The following GRM7 variants were observed in gnomAD, a reference collection of about 807,000 sequenced individuals.
GRM7 encodes the protein metabotropic glutamate receptor 7.
A neutral mutation model predicts 84.5 loss-of-function variants in GRM7; 35 were observed. The ratio of observed to expected loss-of-function variants is 0.41; its 90% CI spans 0.32 to 0.55. The LOEUF (loss-of-function observed/expected upper bound fraction) is 0.55, where lower values mean the gene tolerates loss of function less well. Ranked by LOEUF, GRM7 falls within the 20% of genes least tolerant of loss-of-function variation. The pLI is 0.19. For missense variants in GRM7, 1,003 were observed against 1,194.6 expected (o/e 0.84, Z 2.36); for synonymous variants, 487 against 455.1 (o/e 1.07, Z -0.89).
Position 7,174,756 on chromosome 3 carries a change from C to T in GRM7, c.736+28088C>T, listed in dbSNP as rs138840878. On this transcript the variant is annotated intron_variant, in intron 2 of 9. Coordinates refer to ENST00000357716, the MANE Select transcript of GRM7 (RefSeq NM_000844.4). The stretch of plus-strand genomic sequence containing the variant: ...TCATCTTCTATGGGTGAAAACTAGT[C>T]ATGTGGCTTTGCCTAGAGGCAAAGG... Among the ~76,000 whole-genome samples the T allele has an allele frequency of 3.9e-3, 596 of 152,282 alleles. 1 individual carries two copies. Among genetic ancestry groups the T allele is most frequent in the African/African-American group, 0.013 (532 of 41,548 alleles).
chr3:7,087,034 G>A (rs1280112871), intron 1 of GRM7, among the ~76,000 whole-genome samples: 2 of 152,130 alleles, frequency 1.3e-5, no homozygotes, highest in Admixed American at 6.5e-5. Context: ...CCAAATAAAA[G>A]AAGACATTAC....
chr3:7,261,697 G>A (rs1698427923), intron 2 of GRM7, among the ~76,000 whole-genome samples: 1 of 152,164 alleles, frequency 6.6e-6, no homozygotes, highest in Non-Finnish European at 1.5e-5. Context: ...ACTGGTCTGT[G>A]TACTTACGTG....
intron 7 of GRM7, among the ~76,000 whole-genome samples, chr3:7,510,114 C>T (rs1232114511): frequency 2.0e-5 from 3 of 152,116 alleles, no homozygotes; most frequent in Admixed American, 1.3e-4. Flanking sequence ...GAGCTTTAAA[C>T]CCCCACTTTG....
At chr3:7,254,593 T>A (rs1022238493) in intron 2 of GRM7, among the ~76,000 whole-genome samples, 1 of 152,182 alleles carries the variant, frequency 6.6e-6, no homozygotes, top group African/African-American at 2.4e-5. Context: ...GAGAAAGGAA[T>A]GAGTGTCACT....
chr3:6,894,096 G>A (rs1050070627), intron 1 of GRM7: 6 of 152,078 alleles, frequency 3.9e-5, no homozygotes, highest in Non-Finnish European at 1.5e-5. Context: ...TACATTCCAT[G>A]GTGAAAATAT....
chr3:7,294,627 T>C (rs1415127381), intron 2 of GRM7, among the ~76,000 whole-genome samples: 1 of 150,960 alleles, frequency 6.6e-6, no homozygotes, highest in Admixed American at 6.6e-5. Context: ...TCTACCTGAG[T>C]AGGCTACAAC....
intron 2 of GRM7, among the ~76,000 whole-genome samples, chr3:7,243,262 A>T (rs1171473369): frequency 6.6e-6 from 1 of 152,096 alleles, no homozygotes; most frequent in South Asian, 2.1e-4. Context: ...CAGTAGCCCA[A>T]TCTCTATTGG....
At chr3:7,455,000 G>T (rs1697944733) in intron 6 of GRM7, among the ~76,000 whole-genome samples, 1 of 152,072 alleles carries the variant, frequency 6.6e-6, no homozygotes, top group Non-Finnish European at 1.5e-5. Context: ...GGCAGGGAAA[G>T]TCCAATATAA....
At chr3:7,049,798 T>A (rs987209014) in intron 1 of GRM7, among the ~76,000 whole-genome samples, 2 of 151,684 alleles carry the variant, frequency 1.3e-5, no homozygotes, top group Non-Finnish European at 2.9e-5. Flanking sequence ...TAGTTAGGGA[T>A]GGATGGGGGA....
In GRM7 at chr3:7,578,879, G is replaced by A. The variant is rs769709112; in HGVS notation, c.1973G>A (p.Arg658Gln). Residue 658 changes from arginine (R) to glutamine (Q), a missense_variant, in exon 8 of 10, where the codon CGG (arginine) becomes CAG (glutamine). Transcript: ENST00000357716. ...AKPDVAVCSF[R>Q]RVFLGLGMCI... ...CCAGATGTGGCAGTGTGTTCTTTCC[G>A]GCGAGTTTTCTTGGGCTTGGGTATG... The A allele has an allele frequency of 2.0e-5, 32 of 1,613,900 alleles. No individual in the cohort carries two copies. Among genetic ancestry groups the A allele is most frequent in the East Asian group, 1.6e-4 (7 of 44,896 alleles).
intron 9 of GRM7, among the ~76,000 whole-genome samples, chr3:7,735,579 T>C (rs781633664): frequency 2.0e-5 from 3 of 152,192 alleles, no homozygotes; most frequent in Non-Finnish European, 4.4e-5. Context: ...TCAATAAATA[T>C]TTGTTAGATG....
chr3:7,629,446 C>T (rs1018818537), intron 8 of GRM7, among the ~76,000 whole-genome samples: 8 of 152,186 alleles, frequency 5.3e-5, no homozygotes, highest in Admixed American at 2.6e-4. Context: ...TATGTCCTCA[C>T]ATGACCTTTC....
chr3:6,878,706 C>T (rs1393188040), intron 1 of GRM7, among the ~76,000 whole-genome samples: 2 of 152,158 alleles, frequency 1.3e-5, no homozygotes, highest in African/African-American at 4.8e-5. Flanking sequence ...CAGGCAAGTT[C>T]CAGGGCCCCT....
chr3:7,158,370 A>G (rs1435628308), intron 2 of GRM7, among the ~76,000 whole-genome samples: 1 of 151,982 alleles, frequency 6.6e-6, no homozygotes, highest in Non-Finnish European at 1.5e-5. Context: ...CTGCCCAACA[A>G]ACTTTGCATC....
At position 7,680,078 on chromosome 3, in the gene GRM7, C is replaced by T. The variant is rs762182234; in HGVS notation, c.2481C>T (p.Ile827=). 2 of 1,613,856 alleles carry T rather than the reference C, an allele frequency of 1.2e-6. No homozygotes were observed. The highest frequency in any genetic ancestry group is 2.2e-5 in the East Asian group (1 of 44,874). ...KLYIQTTTLT[I]SMNLSASVAL... The stretch of plus-strand genomic sequence containing the variant: ...ACATACAAACTACCACGCTTACAAT[C>T]TCCATGAACCTAAGTGCATCAGTGG... Residue 827 remains isoleucine (I), a synonymous_variant, in exon 9 of 10, where the codon ATC becomes ATT. Transcript: ENST00000357716.
At chr3:7,598,148 T>G (rs1466905528) in intron 8 of GRM7, among the ~76,000 whole-genome samples, 1 of 152,186 alleles carries the variant, frequency 6.6e-6, no homozygotes, top group Non-Finnish European at 1.5e-5. Context: ...TCTGACATAT[T>G]GCAGATAAGG....
chr3:7,299,020 A>C (rs562721101), intron 3 of GRM7, among the ~76,000 whole-genome samples, 195 bp downstream of exon 3: 1 of 152,188 alleles, frequency 6.6e-6, no homozygotes, highest in Non-Finnish European at 1.5e-5. Context: ...CTCTGTTAGC[A>C]AAATAAATGT....
At chr3:7,666,882 A>G (rs1699724582) in intron 8 of GRM7, among the ~76,000 whole-genome samples, 1 of 152,190 alleles carries the variant, frequency 6.6e-6, no homozygotes, top group African/African-American at 2.4e-5. Context: ...AATAACACTT[A>G]AGGTTCCAAT....
At chr3:7,157,195 T>C (rs1694480536) in intron 2 of GRM7, among the ~76,000 whole-genome samples, 1 of 152,064 alleles carries the variant, frequency 6.6e-6, no homozygotes, top group African/African-American at 2.4e-5. Context: ...AAGCACCCCA[T>C]TGTCTGCAGT....
Sources: allele counts gnomAD v4.1 joint callset (sites outside exome capture counted in the v4.1 genomes callset), GRCh38; gene constraint gnomAD v4.1.1; transcripts MANE v1.5; gene names NCBI Gene and HGNC (gene_info 2026-07-23, HGNC 2026-07-21).